Variants in PRR14L observed in about 807,000 individuals in gnomAD.
The protein encoded by PRR14L is proline rich 14 like, also known as protein PRR14L.
Under a neutral mutation model 155.0 loss-of-function variants are expected in PRR14L, and 80 were observed. The observed-to-expected ratio is 0.52, with a 90% CI of 0.43 to 0.62. PRR14L has a LOEUF of 0.62. Ranked by LOEUF, PRR14L falls within the 20% of genes least tolerant of loss-of-function variation. The pLI, the probability that PRR14L is intolerant of heterozygous loss-of-function variation, is 0.00. For synonymous variants in PRR14L, 883 were observed against 916.0 expected (o/e 0.96, Z 0.65); for missense variants, 2,469 against 2,548.0 (o/e 0.97, Z 0.67).
chr22:31,703,433 C>G, intron 6 of PRR14L, 117 bp downstream of exon 6: 1 of 977,934 alleles, frequency 1.0e-6, no homozygotes, highest in Non-Finnish European at 1.5e-6. Flanking sequence ...TCGGCTGACA[C>G]TGAAGGTGGT....
At chr22:31,693,104 C>T (rs2074519243) in intron 7 of PRR14L, among the ~76,000 whole-genome samples, 1 of 152,118 alleles carries the variant, frequency 6.6e-6, no homozygotes. Context: ...ATTATTATCA[C>T]CCAAAAGTCC....
At chr22:31,728,806 C>T (rs770851084) in intron 2 of PRR14L, among the ~76,000 whole-genome samples, 8 of 150,922 alleles carry the variant, frequency 5.3e-5, no homozygotes, top group Non-Finnish European at 8.8e-5. Flanking sequence ...GTGTTTACAA[C>T]ATATTCAACC....
chr22:31,702,894 C>T (rs138854308), intron 6 of PRR14L, among the ~76,000 whole-genome samples: 1,988 of 151,628 alleles, frequency 0.013, 15 homozygotes, highest in Middle Eastern at 0.031. Flanking sequence ...GTCATTGCTG[C>T]AAACTCTGCC....
rs943992878 is a variant in PRR14L at position 31,711,805 on chromosome 22, A to T, written c.5756+278T>A. Among the ~76,000 whole-genome samples the T allele has an allele frequency of 2.0e-5, 3 of 149,678 alleles. No homozygotes were observed. In the East Asian group the frequency reaches 5.9e-4, roughly 29 times the overall value. On this transcript the variant is annotated intron_variant, in intron 4 of 8. Transcript: ENST00000327423. ...AAAAAAAAAAAAAAAAAAAAAGAAG[A>T]TTCAACAGATTTGATGGTTTGAAGA... is the stretch of plus-strand genomic sequence containing the variant.
chr22:31,715,728 A>G lies in PRR14L; in HGVS notation c.2111T>C (p.Ile704Thr), dbSNP rs766505915. The change falls in exon 4 of 9, where the codon ATA becomes ACA. Residue 704 changes from isoleucine to threonine, a missense_variant. This residue lies in a region of PRR14L where 2,363 missense variants were observed against 2,371.6 expected (regional missense o/e 1.00). Transcript: ENST00000327423. ...LEGRADVIADIQTIPIQTKIK... is the reference protein window; with the variant it reads ...LEGRADVIADTQTIPIQTKIK... ...TTTTGTCTGAATGGGAATGGTTTGTATATCAGCAATGACATCTGCTCTACC... is the reference window on the plus strand; with the variant it reads ...TTTTGTCTGAATGGGAATGGTTTGTGTATCAGCAATGACATCTGCTCTACC... The G allele has an allele frequency of 5.2e-6, 8 of 1,552,252 alleles. No homozygotes were observed. Among genetic ancestry groups the G allele is most frequent in the East Asian group, 2.4e-5 (1 of 40,930 alleles).
At chr22:31,736,507 C>T (rs1432002034) in intron 2 of PRR14L, among the ~76,000 whole-genome samples, 1 of 152,092 alleles carries the variant, frequency 6.6e-6, no homozygotes, top group East Asian at 1.9e-4. Context: ...CAATTAACTG[C>T]CCTTTATCCT....
chr22:31,710,424 T>A (rs1462071698), intron 4 of PRR14L, among the ~76,000 whole-genome samples: 1 of 152,130 alleles, frequency 6.6e-6, no homozygotes, highest in Non-Finnish European at 1.5e-5. Flanking sequence ...AGAGGAGAGT[T>A]TATCTATCAT....
rs539373018 is a variant in PRR14L, at chr22:31,714,558, C to A, written c.3281G>T (p.Ser1094Ile). 3.0e-5 allele frequency: 47 copies of A among 1,551,984 alleles called. 1 individual carries two copies. The East Asian group carries it at 5.1e-4, about 17-fold the overall frequency. ...ATCCAGTTCTCTCCGAGACAAGGTA[C>A]TCCTGGAGTCCTCTTGAAATGCCAG... is the stretch of plus-strand genomic sequence containing the variant. ...EKLAFQEDSR[S>I]TLSRRELDAA... The change falls in exon 4 of 9, where the codon AGT becomes ATT. Residue 1094 changes from serine (S) to isoleucine (I), a missense_variant. Transcript: ENST00000327423.
intron 1 of PRR14L, among the ~76,000 whole-genome samples, chr22:31,747,246 G>T (rs1044350699): frequency 6.6e-6 from 1 of 151,738 alleles, no homozygotes; most frequent in Non-Finnish European, 1.5e-5. Context: ...TAGTAGCTGG[G>T]ATTACAGGCA....
intron 7 of PRR14L, among the ~76,000 whole-genome samples, chr22:31,691,299 T>C (rs1043844916): frequency 6.6e-6 from 1 of 151,906 alleles, no homozygotes; most frequent in African/African-American, 2.4e-5. Flanking sequence ...GTCTATGTTG[T>C]ACAGGCTAGC....
chr22:31,737,237 T>C (rs143648747), intron 2 of PRR14L, among the ~76,000 whole-genome samples: 2,030 of 151,086 alleles, frequency 0.013, 15 homozygotes, highest in Middle Eastern at 0.033. Flanking sequence ...TCCCAACATT[T>C]TGGGAGGCCA....
chr22:31,740,981 T>C (rs1416096527), intron 1 of PRR14L, among the ~76,000 whole-genome samples: 1 of 151,256 alleles, frequency 6.6e-6, no homozygotes, highest in Non-Finnish European at 1.5e-5. Context: ...AGGCGGGGCA[T>C]GGTGGCTCAC....
chr22:31,733,934 AACACACAC>A (rs148181629), intron 2 of PRR14L, among the ~76,000 whole-genome samples: 1 of 150,292 alleles, frequency 6.7e-6, no homozygotes, highest in Non-Finnish European at 1.5e-5. Flanking sequence ...ACACCACACA[AACACACAC>A]ACACACAGTT....
At chr22:31,691,390 A>C (rs1368926451) in intron 7 of PRR14L, among the ~76,000 whole-genome samples, 1 of 151,800 alleles carries the variant, frequency 6.6e-6, no homozygotes, top group Non-Finnish European at 1.5e-5. Context: ...ACGATGCCTG[A>C]CCTGATCTTT....
At chr22:31,700,412 T>C (rs188420925) in intron 7 of PRR14L, among the ~76,000 whole-genome samples, 1 of 152,198 alleles carries the variant, frequency 6.6e-6, no homozygotes, top group Non-Finnish European at 1.5e-5. Flanking sequence ...AAAAGAAACA[T>C]AAGACAAAAA....
At chr22:31,701,595 A>G (rs940284991) in intron 7 of PRR14L, 61 bp downstream of exon 7, 7 of 1,021,538 alleles carry the variant, frequency 6.9e-6, no homozygotes, top group African/African-American at 1.6e-5. Flanking sequence ...AAGGGCAATT[A>G]TATTATGACA....
At position 31,716,060 on chromosome 22, in the gene PRR14L, A is replaced by G; in HGVS notation, c.1779T>C (p.Gly593=). The stretch of plus-strand genomic sequence containing the variant: ...CTGGGGATGGTAGCAACAGAGCAGT[A>G]CCTTGCTTGGGTTTTAATACCTCAC... ...PVSEVLKPKQ[G]TALLLPSPEF... Residue 593 remains glycine (G), a synonymous_variant, in exon 4 of 9, where the codon GGT becomes GGC. Coordinates refer to ENST00000327423, the MANE Select transcript of PRR14L (RefSeq NM_173566.3). The G allele has an allele frequency of 1.3e-6, 2 of 1,550,792 alleles. No homozygotes were observed. Among genetic ancestry groups the G allele is most frequent in the Non-Finnish European group, 1.7e-6 (2 of 1,146,952 alleles).
intron 3 of PRR14L, among the ~76,000 whole-genome samples, chr22:31,724,028 GC>G (rs1160052284): frequency 6.6e-6 from 1 of 152,102 alleles, no homozygotes; most frequent in African/African-American, 2.4e-5. Context: ...ATAAACACTA[GC>G]ATTATATTCT....
rs140078 is a variant in PRR14L at position 31,714,177 on chromosome 22, G to C, written c.3662C>G (p.Ser1221Trp). The C allele has an allele frequency of 6.4e-7, 1 of 1,550,682 alleles. No homozygotes were observed. The highest frequency in any genetic ancestry group is 8.7e-7 in the Non-Finnish European group (1 of 1,146,434). The change falls in exon 4 of 9, where the codon TCG (serine) becomes TGG (tryptophan). Residue 1221 changes from serine (S) to tryptophan (W), a missense_variant. Physicochemically the swap from Ser to Trp is radical, Grantham distance 177 (BLOSUM62 -3). Coordinates refer to ENST00000327423, the MANE Select transcript of PRR14L (RefSeq NM_173566.3). Reference protein sequence around the residue: ...ESTFGISSKESMSCHDESSVS... With the variant: ...ESTFGISSKEWMSCHDESSVS... The stretch of plus-strand genomic sequence containing the variant: ...AGAGCTTTCATCATGGCAAGACATC[G>C]ACTCTTTTGAGGAAATTCCAAAGGT...
Sources: gnomAD v4.1 joint callset for allele counts (sites outside exome capture counted in the v4.1 genomes callset) on GRCh38, gnomAD v4.1.1 for gene constraint, gnomAD v4.1.1 regional missense constraint, MANE v1.5 for transcripts, NCBI Gene and HGNC (gene_info 2026-07-23, HGNC 2026-07-21) for gene names.